The following LAMA2 variants were observed in gnomAD, a reference collection of about 807,000 sequenced individuals.
The protein encoded by LAMA2 is laminin subunit alpha-2.
In LAMA2, 269 loss-of-function variants were observed where a neutral mutation model predicts 364.8. The ratio of observed to expected loss-of-function variants is 0.74; its 90% CI spans 0.67 to 0.82. The LOEUF is 0.82. Ranked by LOEUF, LAMA2 falls within the 40% of genes least tolerant of loss-of-function variation. LAMA2 has a pLI of 0.00. For missense variants in LAMA2, 3,807 were observed against 3,873.2 expected (o/e 0.98, Z 0.45); for synonymous variants, 1,379 against 1,370.6 (o/e 1.01, Z -0.14).
chr6:129,356,620 G>A (rs1256470249), intron 32 of LAMA2, among the ~76,000 whole-genome samples: 2 of 151,954 alleles, frequency 1.3e-5, no homozygotes, highest in Non-Finnish European at 2.9e-5. Context: ...CTCTATGCTG[G>A]CTACTGATAA....
rs561555662 is a variant in LAMA2, at chr6:128,976,450, G to T, written c.113-73468G>T. ...AATACTCATTTGAACCCAGGGAAAT[G>T]GGAGGTAACATCCAGGATAAGCTTG... On this transcript the variant is annotated intron_variant, in intron 1 of 64. Transcript: ENST00000421865. 5.9e-5 allele frequency among the ~76,000 whole-genome samples: 9 copies of T among 152,294 alleles called. No individual in the cohort carries two copies. The East Asian group carries it at 1.7e-3, about 29-fold the overall frequency.
At chr6:129,163,499 T>G (rs565406065) in intron 8 of LAMA2, among the ~76,000 whole-genome samples, 171 of 152,200 alleles carry the variant, frequency 1.1e-3, no homozygotes, top group Admixed American at 3.5e-3. Flanking sequence ...CCAGGCATGG[T>G]GGCAGGCACC....
In LAMA2 at chr6:129,028,774, G is replaced by T. The variant is rs151328502; in HGVS notation, c.113-21144G>T. ...TATGGTTTTTAAGTTGATCTCCTAG[G>T]TATGTCTAAGTTTAAGTTCTTAATA... On this transcript the variant is annotated intron_variant, in intron 1 of 64. Transcript: ENST00000421865. Among the ~76,000 whole-genome samples, 4 of 151,840 alleles carry T rather than the reference G, an allele frequency of 2.6e-5. No homozygotes were observed. In the East Asian group the frequency reaches 7.7e-4, roughly 29 times the overall value.
chr6:129,503,313 A>G (rs749243321), intron 60 of LAMA2, 33 bp downstream of exon 60: 101 of 1,589,966 alleles, frequency 6.4e-5, no homozygotes, highest in Non-Finnish European at 8.6e-7. Flanking sequence ...CAGTACCCTA[A>G]GGGAATTACT....
At chr6:128,946,742 T>A (rs1437175351) in intron 1 of LAMA2, among the ~76,000 whole-genome samples, 1 of 152,220 alleles carries the variant, frequency 6.6e-6, no homozygotes, top group African/African-American at 2.4e-5. Context: ...ATACTCATTT[T>A]TCTTTTTCTT....
intron 1 of LAMA2, among the ~76,000 whole-genome samples, chr6:129,004,978 T>C (rs965291845): frequency 1.3e-5 from 2 of 152,130 alleles, no homozygotes; most frequent in Non-Finnish European, 2.9e-5. Flanking sequence ...ATCAGATTCA[T>C]CACTAACTTT....
chr6:129,429,357 G>A (rs1781480215), intron 41 of LAMA2, among the ~76,000 whole-genome samples: 1 of 152,086 alleles, frequency 6.6e-6, no homozygotes, highest in Admixed American at 6.5e-5. Flanking sequence ...TGTATTTCTA[G>A]TATGCATAAT....
chr6:129,004,852 A>C (rs1784346005), intron 1 of LAMA2, among the ~76,000 whole-genome samples: 1 of 152,096 alleles, frequency 6.6e-6, no homozygotes, highest in African/African-American at 2.4e-5. Flanking sequence ...CCAGCACTTA[A>C]CACCTTTTTC....
Position 129,093,733 on chromosome 6 carries a change from T to C in LAMA2, c.397-4440T>C, listed in dbSNP as rs149381363. The stretch of plus-strand genomic sequence containing the variant: ...AGGTGACATGCAAATGAGTAACAAA[T>C]GGAATATGAAATAGAAAGTTCCCTT... On this transcript the variant is annotated intron_variant, in intron 3 of 64. Transcript: ENST00000421865. Among the ~76,000 whole-genome samples the C allele has an allele frequency of 3.3e-3, 499 of 152,338 alleles. 2 individuals carry two copies. Among genetic ancestry groups the C allele is most frequent in the African/African-American group, 0.012 (485 of 41,580 alleles).
At chr6:129,271,557 C>A (rs1328906935) in intron 17 of LAMA2, among the ~76,000 whole-genome samples, 1 of 150,614 alleles carries the variant, frequency 6.6e-6, no homozygotes. Context: ...GCAAGCTCTG[C>A]CTCCCGGGTT....
rs11389653 is a variant in LAMA2, at chr6:129,453,945, C to CTT, written c.6574-198_6574-197dup. ...AACAAACATGCCTGAGCATTATGGACTTTTTTTTTTTTTGCTTTAAGGATA... is the reference window on the plus strand; with the variant it reads ...AACAAACATGCCTGAGCATTATGGACTTTTTTTTTTTTTTTGCTTTAAGGATA... On this transcript the variant is annotated intron_variant, in intron 46 of 64. Transcript: ENST00000421865. Among the ~76,000 whole-genome samples the CTT allele has an allele frequency of 9.5e-3, 1,362 of 143,210 alleles. 10 individuals are homozygous for CTT. Among genetic ancestry groups the CTT allele is most frequent in the Non-Finnish European group, 0.014 (909 of 65,448 alleles). 94.0% of individuals were successfully genotyped at this position (143,210 alleles called of 152,430 possible).
At chr6:129,066,077 G>T (rs1442768668) in intron 3 of LAMA2, among the ~76,000 whole-genome samples, 1 of 44,134 alleles carries the variant, frequency 2.3e-5, no homozygotes, top group Non-Finnish European at 4.8e-5. Flanking sequence ...ACGCAGTCTC[G>T]CTCTGTCGCC....
intron 58 of LAMA2, among the ~76,000 whole-genome samples, chr6:129,502,280 C>T (rs1227632221): frequency 6.6e-6 from 1 of 152,170 alleles, no homozygotes; most frequent in Non-Finnish European, 1.5e-5. Flanking sequence ...TCTTATAACC[C>T]AAGTGGCTAG....
Position 128,955,508 on chromosome 6 carries a change from G to A in LAMA2, c.112+72151G>A, listed in dbSNP as rs1405343459. On this transcript the variant is annotated intron_variant, in intron 1 of 64. Coordinates refer to ENST00000421865, the MANE Select transcript of LAMA2 (RefSeq NM_000426.4). ...CCCTCGTTGAAACTCAAAAACAGAA[G>A]GCAAAATATGTAAAAGAACTCAAAA... is the stretch of plus-strand genomic sequence containing the variant. 3.3e-5 allele frequency among the ~76,000 whole-genome samples: 5 copies of A among 151,694 alleles called. 1 individual carries two copies. The East Asian group carries it at 5.8e-4, about 18-fold the overall frequency.
intron 45 of LAMA2, among the ~76,000 whole-genome samples, chr6:129,447,735 A>G (rs1292432606): frequency 6.6e-6 from 1 of 152,172 alleles, no homozygotes; most frequent in Non-Finnish European, 1.5e-5. Context: ...ACCCAACTAT[A>G]GCTGTGGCAA....
At chr6:129,085,821 G>T (rs1774350134) in intron 3 of LAMA2, among the ~76,000 whole-genome samples, 1 of 152,154 alleles carries the variant, frequency 6.6e-6, no homozygotes, top group Non-Finnish European at 1.5e-5. Context: ...ACAAGGAGAA[G>T]AATTTGCAGG....
At chr6:129,080,491 C>G (rs934797370) in intron 3 of LAMA2, among the ~76,000 whole-genome samples, 17 of 152,096 alleles carry the variant, frequency 1.1e-4, no homozygotes, top group Admixed American at 3.3e-4. Flanking sequence ...ATGGATGTAA[C>G]CTGAAATGCT....
At chr6:129,009,846 T>A (rs1784657556) in intron 1 of LAMA2, among the ~76,000 whole-genome samples, 1 of 152,206 alleles carries the variant, frequency 6.6e-6, no homozygotes, top group South Asian at 2.1e-4. Flanking sequence ...TGGAGAACAA[T>A]TATCATGACG....
chr6:128,899,795 G>A (rs988063753), intron 1 of LAMA2, among the ~76,000 whole-genome samples: 1 of 151,728 alleles, frequency 6.6e-6, no homozygotes, highest in Non-Finnish European at 1.5e-5. Context: ...TCCCCTCTAA[G>A]GATATTCCAG....
Sources: allele counts gnomAD v4.1 joint callset (sites outside exome capture counted in the v4.1 genomes callset), GRCh38; gene constraint gnomAD v4.1.1; transcripts MANE v1.5; gene names NCBI Gene and HGNC (gene_info 2026-07-23, HGNC 2026-07-21).